EXOC6B: variants seen among roughly 807,000 people sequenced by gnomAD.
The protein encoded by EXOC6B is exocyst complex component 6B.
In EXOC6B, 54 loss-of-function variants were observed where a neutral mutation model predicts 113.5. The observed-to-expected ratio is 0.48, with a 90% CI of 0.38 to 0.60. The LOEUF is 0.60. EXOC6B is among the 20% of genes least tolerant of loss of function. The pLI is 0.00. For synonymous variants in EXOC6B, 357 were observed against 339.0 expected, an observed-to-expected ratio of 1.05 and a Z score of -0.58; for missense variants, 797 against 977.5, an observed-to-expected ratio of 0.82 and a Z score of 2.46.
At chr2:72,797,084 TCA>T (rs1198199129) in intron 1 of EXOC6B, among the ~76,000 whole-genome samples, 1 of 151,992 alleles carries the variant, frequency 6.6e-6, no homozygotes, top group Non-Finnish European at 1.5e-5. Flanking sequence ...GGAATGGGAG[TCA>T]TAGGAATTGG....
At chr2:72,366,998 A>G (rs1204698065) in intron 19 of EXOC6B, among the ~76,000 whole-genome samples, 4 of 152,148 alleles carry the variant, frequency 2.6e-5, no homozygotes, top group African/African-American at 9.6e-5. Flanking sequence ...TGCAGAATAC[A>G]GTAAACACAT....
intron 20 of EXOC6B, among the ~76,000 whole-genome samples, chr2:72,251,824 G>A (rs1298633095): frequency 6.6e-6 from 1 of 152,134 alleles, no homozygotes; most frequent in East Asian, 1.9e-4. Flanking sequence ...TTCATTTAAT[G>A]TTTAGCATGT....
intron 20 of EXOC6B, among the ~76,000 whole-genome samples, chr2:72,317,329 G>A (rs892398353): frequency 1.3e-5 from 2 of 151,702 alleles, no homozygotes; most frequent in African/African-American, 2.4e-5. Flanking sequence ...AAAACCTATC[G>A]ATACCTCCCT....
At chr2:72,316,034 T>G (rs1005755187) in intron 20 of EXOC6B, among the ~76,000 whole-genome samples, 1 of 152,154 alleles carries the variant, frequency 6.6e-6, no homozygotes, top group African/African-American at 2.4e-5. Context: ...TTGAATTGGT[T>G]GTAGAGTTTG....
chr2:72,491,301 C>A (rs1437410353), intron 16 of EXOC6B, among the ~76,000 whole-genome samples: 1 of 151,136 alleles, frequency 6.6e-6, no homozygotes, highest in Non-Finnish European at 1.5e-5. Context: ...TTTTTTTTAT[C>A]TTAATTCAGA....
chr2:72,818,821 TG>T (rs1186919416), intron 1 of EXOC6B, among the ~76,000 whole-genome samples: 2 of 152,198 alleles, frequency 1.3e-5, no homozygotes, highest in African/African-American at 4.8e-5. Flanking sequence ...CTGTCCCCTT[TG>T]TATGGAAGGT....
chr2:72,338,828 T>C (rs1429324406), intron 19 of EXOC6B, among the ~76,000 whole-genome samples: 2 of 152,018 alleles, frequency 1.3e-5, no homozygotes, highest in Non-Finnish European at 2.9e-5. Flanking sequence ...TGAGGGTGTT[T>C]TTTTTTCTTC....
intron 6 of EXOC6B, among the ~76,000 whole-genome samples, chr2:72,660,977 T>C (rs1261539034): frequency 1.3e-5 from 2 of 152,140 alleles, no homozygotes; most frequent in Non-Finnish European, 1.5e-5. Context: ...ATGCCCTTTT[T>C]TCTCTTTCTT....
rs761898287 is a variant in EXOC6B at position 72,733,146 on chromosome 2, T to TA, written c.280-29dup. On this transcript the variant is annotated intron_variant, in intron 2 of 21. Coordinates refer to ENST00000272427, the MANE Select transcript of EXOC6B (RefSeq NM_015189.3). ...GTGGAGAGAAGACAATTTAAACTCA[T>TA]AAAAAACAAACATTTAGACAATAGT... is the stretch of plus-strand genomic sequence containing the variant. The TA allele has an allele frequency of 1.3e-5, 19 of 1,501,934 alleles. No individual in the cohort carries two copies. In the Admixed American group the frequency reaches 2.1e-4, roughly 16 times the overall value. The allele number at this position is 1,501,934 out of a possible 1,614,324, so 93.0% of individuals were successfully genotyped here.
At chr2:72,538,785 C>A (rs961297686) in intron 8 of EXOC6B, among the ~76,000 whole-genome samples, 1 of 152,154 alleles carries the variant, frequency 6.6e-6, no homozygotes, top group Admixed American at 6.5e-5. Context: ...AGCAACAATA[C>A]AGTACAATGC....
At chr2:72,788,203 G>A (rs913264764) in intron 1 of EXOC6B, among the ~76,000 whole-genome samples, 2 of 152,128 alleles carry the variant, frequency 1.3e-5, no homozygotes, top group African/African-American at 2.4e-5. Flanking sequence ...TAGGGTTGTT[G>A]TTTTAAATGA....
At chr2:72,452,391 T>C (rs949534239) in intron 18 of EXOC6B, among the ~76,000 whole-genome samples, 2 of 152,136 alleles carry the variant, frequency 1.3e-5, no homozygotes, top group Admixed American at 6.5e-5. Context: ...TAGTTCATAA[T>C]AGGGGAAAAT....
chr2:72,285,746 G>A (rs1685387314), intron 20 of EXOC6B, among the ~76,000 whole-genome samples: 2 of 151,862 alleles, frequency 1.3e-5, no homozygotes, highest in Admixed American at 1.3e-4. Flanking sequence ...CATCTGATAA[G>A]GGACTATTAT....
intron 6 of EXOC6B, among the ~76,000 whole-genome samples, chr2:72,639,020 A>G (rs1041849019): frequency 1.3e-5 from 2 of 152,178 alleles, no homozygotes; most frequent in African/African-American, 4.8e-5. Context: ...TTACCAGGGA[A>G]GAGCTTGAGT....
intron 8 of EXOC6B, among the ~76,000 whole-genome samples, chr2:72,544,193 C>T (rs1206226595): frequency 1.3e-5 from 2 of 152,138 alleles, no homozygotes; most frequent in African/African-American, 4.8e-5. Context: ...ACTCCTGAAA[C>T]ATTAAACAGT....
At chr2:72,344,694 T>C (rs1689221274) in intron 19 of EXOC6B, among the ~76,000 whole-genome samples, 1 of 152,276 alleles carries the variant, frequency 6.6e-6, no homozygotes, top group South Asian at 2.1e-4. Context: ...ACATCTTTTC[T>C]GAGCAGATGC....
chr2:72,455,843 G>GA (rs1491069568), intron 18 of EXOC6B, among the ~76,000 whole-genome samples: 1 of 152,014 alleles, frequency 6.6e-6, no homozygotes, highest in African/African-American at 2.4e-5. Context: ...GAAAAAGAGA[G>GA]AAACAGAGAG....
chr2:72,763,584 G>A (rs559258026), intron 1 of EXOC6B, among the ~76,000 whole-genome samples: 9 of 151,024 alleles, frequency 6.0e-5, no homozygotes, highest in South Asian at 2.1e-4. Flanking sequence ...CACCACACCC[G>A]GGTAATTTTT....
At chr2:72,779,746 A>G (rs1327855621) in intron 1 of EXOC6B, among the ~76,000 whole-genome samples, 1 of 152,180 alleles carries the variant, frequency 6.6e-6, no homozygotes, top group Non-Finnish European at 1.5e-5. Flanking sequence ...GTGGGGAATC[A>G]GATCATTTTC....
Sources: allele counts gnomAD v4.1 joint callset (sites outside exome capture counted in the v4.1 genomes callset), GRCh38; gene constraint gnomAD v4.1.1; transcripts MANE v1.5; gene names NCBI Gene and HGNC (gene_info 2026-07-23, HGNC 2026-07-21).